Variants in AUTS2 observed in about 807,000 individuals in gnomAD.
The protein encoded by AUTS2 is activator of transcription and developmental regulator AUTS2, also known as autism susceptibility gene 2 protein.
In AUTS2, 17 loss-of-function variants were observed where a neutral mutation model predicts 112.4. The observed-to-expected ratio is 0.15, with a 90% CI of 0.10 to 0.23. The LOEUF is 0.23. AUTS2 is among the 10% of genes least tolerant of loss of function. The pLI is 1.00. For synonymous variants in AUTS2, 751 were observed against 702.7 expected (o/e 1.07, Z -1.09); for missense variants, 1,510 against 1,701.6 (o/e 0.89, Z 1.98).
rs150320584 is a variant in AUTS2, at chr7:70,090,593, A to G, written c.523-27539A>G. ...TGGCCAGGCTGCTAGCTGTGCTACA[A>G]TTTCTGGTGCTCTTCATTCTTCTTT... On this transcript the variant is annotated intron_variant, in intron 2 of 18. Transcript: ENST00000342771. Among the ~76,000 whole-genome samples, 4 of 151,430 alleles carry G rather than the reference A, an allele frequency of 2.6e-5. No individual in the cohort carries two copies. In the East Asian group the frequency reaches 7.8e-4, roughly 29 times the overall value.
intron 4 of AUTS2, among the ~76,000 whole-genome samples, chr7:70,390,503 A>G (rs1481178278): frequency 1.3e-5 from 2 of 152,150 alleles, no homozygotes; most frequent in African/African-American, 4.8e-5. Flanking sequence ...CTCCTGCACT[A>G]TGTGAACTAG....
Position 70,495,809 on chromosome 7 carries a change from G to A in AUTS2, c.690+60028G>A, listed in dbSNP as rs1300531112. ...ACACACACACCCCACACATGCACAC[G>A]TCACATCAGCATCGATCACACACCC... On this transcript the variant is annotated intron_variant, in intron 5 of 18. Coordinates refer to ENST00000342771, the MANE Select transcript of AUTS2 (RefSeq NM_015570.4). Among the ~76,000 whole-genome samples, 6 of 104,140 alleles carry A rather than the reference G, an allele frequency of 5.8e-5. No homozygotes were observed. The South Asian group carries it at 9.6e-4, about 17-fold the overall frequency. 68.3% of individuals were successfully genotyped at this position (104,140 alleles called of 152,430 possible). A position where few individuals can be genotyped will look rare whatever the true frequency, so the allele number is the denominator to read the frequency against.
intron 1 of AUTS2, among the ~76,000 whole-genome samples, chr7:69,837,058 G>C (rs868522138): frequency 6.6e-5 from 10 of 152,144 alleles, no homozygotes; most frequent in South Asian, 6.2e-4. Context: ...GTTAAGGAAG[G>C]CTTCATGAAA....
intron 5 of AUTS2, among the ~76,000 whole-genome samples, chr7:70,455,391 G>A (rs1489607167): frequency 2.0e-5 from 3 of 152,258 alleles, no homozygotes; most frequent in East Asian, 1.9e-4. Context: ...GAAGATGCCC[G>A]CAGCATCTGT....
intron 4 of AUTS2, among the ~76,000 whole-genome samples, chr7:70,371,486 C>G (rs972046478): frequency 1.3e-5 from 2 of 152,182 alleles, no homozygotes; most frequent in Non-Finnish European, 1.5e-5. Context: ...GCAGTCTTCT[C>G]CAACTAATGA....
At chr7:70,482,634 A>AG (rs1797835046) in intron 5 of AUTS2, among the ~76,000 whole-genome samples, 1 of 152,186 alleles carries the variant, frequency 6.6e-6, no homozygotes, top group Admixed American at 6.5e-5. Flanking sequence ...GGGCCTCTGC[A>AG]GGTGTCATGA....
At chr7:70,509,244 A>G (rs948151789) in intron 5 of AUTS2, among the ~76,000 whole-genome samples, 2 of 152,234 alleles carry the variant, frequency 1.3e-5, no homozygotes, top group African/African-American at 4.8e-5. Context: ...CCAAGGCACC[A>G]TTCCTGCCCT....
intron 2 of AUTS2, among the ~76,000 whole-genome samples, chr7:69,965,939 A>G (rs907218435): frequency 2.0e-5 from 3 of 152,140 alleles, no homozygotes; most frequent in Admixed American, 2.0e-4. Flanking sequence ...GTGAGTGTAG[A>G]GGACAATGCT....
At chr7:69,955,830 G>T (rs117424890) in intron 2 of AUTS2, among the ~76,000 whole-genome samples, 1 of 152,048 alleles carries the variant, frequency 6.6e-6, no homozygotes, top group Non-Finnish European at 1.5e-5. Context: ...ACACATTCAG[G>T]TGCATCTGCC....
intron 5 of AUTS2, among the ~76,000 whole-genome samples, chr7:70,674,399 C>T (rs527537758): frequency 3.2e-4 from 49 of 152,236 alleles, no homozygotes; most frequent in Admixed American, 2.7e-3. Flanking sequence ...TGAGATTAGG[C>T]GCACTTGTCA....
intron 6 of AUTS2, among the ~76,000 whole-genome samples, chr7:70,735,969 G>A (rs927853223): frequency 1.3e-5 from 2 of 152,094 alleles, no homozygotes; most frequent in Non-Finnish European, 2.9e-5. Context: ...CAGTGGGGAT[G>A]GATAAAATGG....
chr7:69,809,534 A>G (rs1168274236), intron 1 of AUTS2, among the ~76,000 whole-genome samples: 1 of 152,130 alleles, frequency 6.6e-6, no homozygotes, highest in Non-Finnish European at 1.5e-5. Context: ...CACCTACCCA[A>G]TTCCCTTCCC....
intron 4 of AUTS2, among the ~76,000 whole-genome samples, chr7:70,416,256 A>G (rs1006303018): frequency 6.6e-6 from 1 of 152,340 alleles, no homozygotes; most frequent in Admixed American, 6.5e-5. Context: ...TATGCCTTCA[A>G]TAGCATAACT....
intron 5 of AUTS2, among the ~76,000 whole-genome samples, chr7:70,624,877 T>A (rs112228750): frequency 8.1e-4 from 124 of 152,316 alleles, no homozygotes; most frequent in African/African-American, 2.8e-3. Context: ...CATCTGCACA[T>A]GGCACTGTGT....
chr7:70,788,767 G>A (rs1791682439), intron 18 of AUTS2, among the ~76,000 whole-genome samples: 1 of 152,222 alleles, frequency 6.6e-6, no homozygotes, highest in Non-Finnish European at 1.5e-5. Flanking sequence ...TGAATACTCT[G>A]TGGTCCTCTG....
chr7:70,192,882 A>T (rs1028480434), intron 4 of AUTS2, among the ~76,000 whole-genome samples: 1 of 152,146 alleles, frequency 6.6e-6, no homozygotes, highest in Non-Finnish European at 1.5e-5. Context: ...TGATAAAGGG[A>T]GCCTCCTTGC....
chr7:70,251,102 T>G (rs1786571221), intron 4 of AUTS2, among the ~76,000 whole-genome samples: 2 of 152,130 alleles, frequency 1.3e-5, no homozygotes, highest in Non-Finnish European at 2.9e-5. Context: ...TCTCACTCTG[T>G]CGCTTGGGCT....
At chr7:70,581,762 A>G (rs117737423) in intron 5 of AUTS2, among the ~76,000 whole-genome samples, 1 of 152,284 alleles carries the variant, frequency 6.6e-6, no homozygotes, top group East Asian at 1.9e-4. Context: ...TGACTATAAA[A>G]GAGACTCTGC....
chr7:69,858,156 A>G (rs1584349594), intron 1 of AUTS2, among the ~76,000 whole-genome samples: 1 of 152,330 alleles, frequency 6.6e-6, no homozygotes, highest in South Asian at 2.1e-4. Flanking sequence ...GTGACAATTT[A>G]TGACCACTTC....
Sources: gnomAD v4.1 joint callset for allele counts (sites outside exome capture counted in the v4.1 genomes callset) on GRCh38, gnomAD v4.1.1 for gene constraint, MANE v1.5 for transcripts, NCBI Gene and HGNC (gene_info 2026-07-23, HGNC 2026-07-21) for gene names.